The following VEPH1 variants were observed in gnomAD, a reference collection of about 807,000 sequenced individuals.
The protein encoded by VEPH1 is ventricular zone expressed PH domain containing 1.
In VEPH1, 80 loss-of-function variants were observed where a neutral mutation model predicts 85.2. The ratio of observed to expected loss-of-function variants is 0.94; its 90% confidence interval spans 0.78 to 1.13. The LOEUF (loss-of-function observed/expected upper bound fraction) is 1.13, where lower values mean the gene tolerates loss of function less well. Among genes scored for constraint, VEPH1 ranks in the 50% most tolerant of loss-of-function variants. VEPH1 has a pLI of 0.00. For synonymous variants in VEPH1, 297 were observed against 348.0 expected, an observed-to-expected ratio of 0.85 and a Z score of 1.63; for missense variants, 955 against 980.5, an observed-to-expected ratio of 0.97 and a Z score of 0.35.
intron 11 of VEPH1, among the ~76,000 whole-genome samples, chr3:157,308,838 C>T (rs1719798002): frequency 6.6e-6 from 1 of 151,988 alleles, no homozygotes; most frequent in African/African-American, 2.4e-5. Context: ...ACTTAGTTTA[C>T]TCATTTGTAA....
At chr3:157,450,986 G>T (rs1734926607) in intron 4 of VEPH1, among the ~76,000 whole-genome samples, 1 of 152,084 alleles carries the variant, frequency 6.6e-6, no homozygotes, top group Non-Finnish European at 1.5e-5. Context: ...TTTTATTTAT[G>T]ATTTATGCAT....
chr3:157,449,413 C>T (rs1384329771), intron 4 of VEPH1, among the ~76,000 whole-genome samples: 2 of 152,154 alleles, frequency 1.3e-5, no homozygotes, highest in African/African-American at 2.4e-5. Flanking sequence ...TGTCTCAAAA[C>T]CATTTATTGA....
Position 157,403,834 on chromosome 3 carries a change from G to T in VEPH1, c.906+10047C>A, listed in dbSNP as rs1337045829. On this transcript the variant is annotated intron_variant, in intron 6 of 13. Coordinates refer to ENST00000362010, the MANE Select transcript of VEPH1 (RefSeq NM_001167912.2). ...GCATCAAGCAGGTAGTATATATGCGGGCATGTCTAGACTCCCTCAGGTTCT... is the reference window on the plus strand; with the variant it reads ...GCATCAAGCAGGTAGTATATATGCGTGCATGTCTAGACTCCCTCAGGTTCT... 2.6e-5 allele frequency among the ~76,000 whole-genome samples: 4 copies of T among 152,230 alleles called. No homozygotes were observed. In the East Asian group the frequency reaches 7.7e-4, roughly 29 times the overall value.
chr3:157,376,127 C>T (rs771855187), intron 7 of VEPH1, among the ~76,000 whole-genome samples: 24 of 152,134 alleles, frequency 1.6e-4, no homozygotes, highest in Non-Finnish European at 2.8e-4. Context: ...TCCTCTCTCC[C>T]TATCTTTTCT....
intron 3 of VEPH1, among the ~76,000 whole-genome samples, chr3:157,466,600 A>G (rs752118711): frequency 8.6e-5 from 13 of 152,010 alleles, no homozygotes; most frequent in African/African-American, 2.4e-4. Context: ...TGTTATCCCA[A>G]TTTTAGAGAT....
At chr3:157,376,325 T>C (rs1486112456) in intron 7 of VEPH1, among the ~76,000 whole-genome samples, 3 of 152,172 alleles carry the variant, frequency 2.0e-5, no homozygotes, top group Non-Finnish European at 4.4e-5. Flanking sequence ...AGGCATCTTC[T>C]AGGCAATGAT....
chr3:157,313,761 A>C lies in VEPH1; in HGVS notation c.1876-6T>G. ...AGGGGTTCAGGAAACAGGCTCTGAA[A>C]GGGCATTAAAGACAGAAACAGAATA... On this transcript the variant is annotated splice_region_variant and splice_polypyrimidine_tract_variant and intron_variant, in intron 10 of 13. Coordinates refer to ENST00000362010, the MANE Select transcript of VEPH1 (RefSeq NM_001167912.2). The C allele has an allele frequency of 6.2e-7, 1 of 1,614,100 alleles. No homozygotes were observed. Among genetic ancestry groups the C allele is most frequent in the Non-Finnish European group, 8.5e-7 (1 of 1,179,976 alleles).
chr3:157,421,248 T>A (rs1397109648), intron 5 of VEPH1, among the ~76,000 whole-genome samples: 12 of 151,982 alleles, frequency 7.9e-5, no homozygotes, highest in African/African-American at 2.9e-4. Context: ...TGTAGAGAAT[T>A]TTTTTTTCAA....
intron 12 of VEPH1, among the ~76,000 whole-genome samples, chr3:157,283,481 G>T (rs912763988): frequency 2.6e-5 from 4 of 152,166 alleles, no homozygotes; most frequent in African/African-American, 9.7e-5. Flanking sequence ...CTGACTATCT[G>T]TACATTACTG....
intron 11 of VEPH1, among the ~76,000 whole-genome samples, chr3:157,293,150 C>T (rs191870209): frequency 6.6e-6 from 1 of 152,050 alleles, no homozygotes; most frequent in Admixed American, 6.5e-5. Context: ...CTCATTGGGC[C>T]CAATTTGAAA....
chr3:157,330,731 C>T (rs1425817878), intron 9 of VEPH1, among the ~76,000 whole-genome samples: 1 of 152,164 alleles, frequency 6.6e-6, no homozygotes, highest in South Asian at 2.1e-4. Context: ...TGCCAGCCCT[C>T]GCCACCTATC....
At chr3:157,429,237 A>T (rs1418150659) in intron 4 of VEPH1, among the ~76,000 whole-genome samples, 1 of 152,184 alleles carries the variant, frequency 6.6e-6, no homozygotes, top group Non-Finnish European at 1.5e-5. Context: ...ACAAGTACTT[A>T]AATGTCTCAG....
Position 157,364,453 on chromosome 3 carries a change from A to G in VEPH1, c.1187T>C (p.Val396Ala), listed in dbSNP as rs756868680. The G allele has an allele frequency of 1.2e-6, 2 of 1,613,996 alleles. No individual in the cohort carries two copies. The highest frequency in any genetic ancestry group is 2.2e-5 in the South Asian group (2 of 91,074). ...PEKLEETKLI[V>A]TENEDHEKLQ... ...TTTTTCATGGTCTTCATTTTCAGTT[A>G]CTATGAGCTTGGTTTCTTCCAGTTT... Residue 396 changes from valine to alanine, a missense_variant, in exon 8 of 14, where the codon GTA becomes GCA. Transcript: ENST00000362010.
At chr3:157,281,003 A>AGT (rs1233768585) in intron 12 of VEPH1, among the ~76,000 whole-genome samples, 8 of 152,126 alleles carry the variant, frequency 5.3e-5, no homozygotes, top group Non-Finnish European at 1.0e-4. Flanking sequence ...GCAATACAGA[A>AGT]GTGTAGGCAG....
intron 11 of VEPH1, 22 bp downstream of exon 11, chr3:157,313,599 G>C (rs763265760): frequency 3.1e-6 from 5 of 1,611,628 alleles, no homozygotes; most frequent in Non-Finnish European, 4.2e-6. Context: ...CCTGTAACAT[G>C]GCCAAGGAAA....
At chr3:157,413,825 G>T (rs2109034055) in intron 6 of VEPH1, 56 bp downstream of exon 6, 1 of 1,565,504 alleles carries the variant, frequency 6.4e-7, no homozygotes, top group Middle Eastern at 1.7e-4. Flanking sequence ...TATTAAATAG[G>T]TTGGATTAAG....
At chr3:157,287,606 C>A (rs1716945315) in intron 11 of VEPH1, among the ~76,000 whole-genome samples, 1 of 151,848 alleles carries the variant, frequency 6.6e-6, no homozygotes, top group Non-Finnish European at 1.5e-5. Context: ...ACTCTGTTGT[C>A]CAGGTTGGAG....
chr3:157,493,804 A>G (rs1342827602), intron 2 of VEPH1, among the ~76,000 whole-genome samples: 2 of 152,140 alleles, frequency 1.3e-5, no homozygotes, highest in African/African-American at 4.8e-5. Context: ...TGCAAACAAA[A>G]TAAATAACTG....
rs115980589 is a variant in VEPH1, at chr3:157,450,593, T to G, written c.529+9588A>C. 8.3e-3 allele frequency among the ~76,000 whole-genome samples: 1,253 copies of G among 151,082 alleles called. 14 individuals are homozygous for G. The highest frequency in any genetic ancestry group is 0.029 in the African/African-American group (1,199 of 41,290). On this transcript the variant is annotated intron_variant, in intron 4 of 13. Coordinates refer to ENST00000362010, the MANE Select transcript of VEPH1 (RefSeq NM_001167912.2). ...TGAAATATATATATATATTTATATA[T>G]ATAGTGCTCTATCATTATCTATCTA... is the stretch of plus-strand genomic sequence containing the variant.
Sources: gnomAD v4.1 joint callset for allele counts (sites outside exome capture counted in the v4.1 genomes callset) on GRCh38, gnomAD v4.1.1 for gene constraint, MANE v1.5 for transcripts, NCBI Gene and HGNC (gene_info 2026-07-23, HGNC 2026-07-21) for gene names.